AK5: variants seen among roughly 807,000 people sequenced by gnomAD.
AK5 encodes adenylate kinase isoenzyme 5.
In AK5, 27 loss-of-function variants were observed where a neutral mutation model predicts 69.5. That is an observed-to-expected ratio of 0.39 (90% CI 0.29 to 0.54). The LOEUF (loss-of-function observed/expected upper bound fraction) is 0.54. Ranked by LOEUF, AK5 falls within the 20% of genes least tolerant of loss-of-function variation. The pLI, the probability that AK5 is intolerant of heterozygous loss-of-function variation, is 0.71. For synonymous variants in AK5, 260 were observed against 244.4 expected, an observed-to-expected ratio of 1.06 and a Z score of -0.60; for missense variants, 531 against 700.4, an observed-to-expected ratio of 0.76 and a Z score of 2.73.
chr1:77,434,551 A>G (rs1425266391), intron 8 of AK5, among the ~76,000 whole-genome samples: 1 of 152,174 alleles, frequency 6.6e-6, no homozygotes, highest in Middle Eastern at 3.2e-3. Context: ...AGATTACAGA[A>G]AGACTTCAAA....
At chr1:77,495,769 G>C (rs1007543175) in intron 10 of AK5, among the ~76,000 whole-genome samples, 1 of 152,108 alleles carries the variant, frequency 6.6e-6, no homozygotes, top group African/African-American at 2.4e-5. Context: ...AAGCTCCCCT[G>C]TATACTGATC....
chr1:77,333,951 G>A (rs2602928), intron 5 of AK5, among the ~76,000 whole-genome samples: 149,392 of 152,348 alleles, frequency 0.98, 73,319 homozygotes, highest in East Asian at 1. Flanking sequence ...TTTATGTACT[G>A]TCTTTATTTG....
intron 6 of AK5, among the ~76,000 whole-genome samples, chr1:77,348,615 T>G (rs1662033755): frequency 6.6e-6 from 1 of 152,204 alleles, no homozygotes; most frequent in South Asian, 2.1e-4. Context: ...CAATAGCTTG[T>G]CTTTTTAATT....
At chr1:77,405,855 A>T (rs186350674) in intron 6 of AK5, among the ~76,000 whole-genome samples, 4 of 152,240 alleles carry the variant, frequency 2.6e-5, no homozygotes, top group Admixed American at 2.6e-4. Context: ...TTATTAATGA[A>T]GCTGGGGTGC....
Position 77,429,839 on chromosome 1 carries a change from G to A in AK5, c.1059+12124G>A, listed in dbSNP as rs147260706. On this transcript the variant is annotated intron_variant, in intron 8 of 13. Transcript: ENST00000354567. Reference sequence around the variant, plus strand: ...TATGAGAACAGGAAAGAACTGGGGAGAAGAGAAAGGGATGTTCAAAAAGAG... The same window carrying A: ...TATGAGAACAGGAAAGAACTGGGGAAAAGAGAAAGGGATGTTCAAAAAGAG... Among the ~76,000 whole-genome samples, 5 of 152,272 alleles carry A rather than the reference G, an allele frequency of 3.3e-5. No individual in the cohort carries two copies. The East Asian group carries it at 9.7e-4, about 29-fold the overall frequency.
At chr1:77,294,112 A>C (rs780304766) in intron 3 of AK5, 152 bp downstream of exon 3, 2 of 653,964 alleles carry the variant, frequency 3.1e-6, no homozygotes, top group Non-Finnish European at 5.0e-6. Flanking sequence ...AAATATTCTT[A>C]GTATAAGTTT....
intron 1 of AK5, among the ~76,000 whole-genome samples, chr1:77,286,634 T>G (rs116187907): frequency 0.099 from 15,026 of 151,520 alleles, 898 homozygotes; most frequent in East Asian, 0.2. Flanking sequence ...ATCGCTTGAG[T>G]TAAGGAGTTC....
At position 77,287,068 on chromosome 1, in the gene AK5, A is replaced by G. The variant is rs775238130; in HGVS notation, c.188A>G (p.Glu63Gly). Residue 63 changes from glutamate to glycine, a missense_variant, in exon 2 of 14, where the codon GAA becomes GGA. Glu to Gly is a moderately conservative substitution (Grantham distance 98). Transcript: ENST00000354567. The stretch of plus-strand genomic sequence containing the variant: ...AAATGGGATACATTTGTAAGCCAGG[A>G]AAAGAAGACCTTACCTCCACTAAAT... The part of the protein sequence containing the change: ...KVKWDTFVSQ[E>G]KKTLPPLNGG... The G allele has an allele frequency of 1.5e-5, 24 of 1,609,524 alleles. No individual in the cohort carries two copies. Among genetic ancestry groups the G allele is most frequent in the Non-Finnish European group, 2.0e-5 (24 of 1,177,722 alleles).
chr1:77,302,177 G>A (rs548919236), intron 5 of AK5, among the ~76,000 whole-genome samples: 3 of 152,074 alleles, frequency 2.0e-5, no homozygotes, highest in South Asian at 4.2e-4. Context: ...GGGATTACAG[G>A]TGTGAGCCAC....
intron 5 of AK5, among the ~76,000 whole-genome samples, chr1:77,324,318 CGTGT>C (rs10547281): frequency 0.1 from 15,020 of 148,642 alleles, 843 homozygotes; most frequent in African/African-American, 0.14. Flanking sequence ...TCACCATTTG[CGTGT>C]GTGTGTGTGT....
At chr1:77,544,710 T>C (rs991321838) in intron 13 of AK5, among the ~76,000 whole-genome samples, 15 of 152,154 alleles carry the variant, frequency 9.9e-5, no homozygotes, top group African/African-American at 3.4e-4. Flanking sequence ...TCGTCTGCTT[T>C]GATAACAAGG....
intron 6 of AK5, among the ~76,000 whole-genome samples, chr1:77,360,301 T>C (rs1646840264): frequency 6.6e-6 from 1 of 152,184 alleles, no homozygotes; most frequent in Non-Finnish European, 1.5e-5. Context: ...ATATCATAGA[T>C]GCTAAATTTA....
chr1:77,369,055 C>G lies in AK5; in HGVS notation c.891+28487C>G, dbSNP rs1291778798. ...TCTATTCACCATAAATTATATGTAT[C>G]AAAACATCACTATGTATGCCATGAA... On this transcript the variant is annotated intron_variant, in intron 6 of 13. Transcript: ENST00000354567. Among the ~76,000 whole-genome samples the G allele has an allele frequency of 3.3e-5, 5 of 151,992 alleles. No individual in the cohort carries two copies. In the East Asian group the frequency reaches 7.7e-4, roughly 23 times the overall value.
chr1:77,535,020 C>G (rs995215870), intron 12 of AK5, among the ~76,000 whole-genome samples: 2 of 152,048 alleles, frequency 1.3e-5, no homozygotes, highest in Non-Finnish European at 2.9e-5. Flanking sequence ...CAGTTGGGGG[C>G]TGGTAGGGCA....
chr1:77,558,912 G>A lies in AK5; in HGVS notation c.*242G>A, dbSNP rs574548403. The A allele has an allele frequency of 1.5e-3, 710 of 469,672 alleles. 3 individuals carry two copies. The highest frequency in any genetic ancestry group is 2.1e-3 in the South Asian group (81 of 37,884). 29.1% of individuals were successfully genotyped at this position (469,672 alleles called of 1,614,324 possible). A position where few individuals can be genotyped will look rare whatever the true frequency, so the allele number is the denominator to read the frequency against. ...ACTTCAGACAACTGTCTGCACTCAC[G>A]GCACACACACTTTGTATCATGCAGG... On this transcript the variant is annotated 3_prime_UTR_variant, in exon 14 of 14. Transcript: ENST00000354567.
intron 10 of AK5, among the ~76,000 whole-genome samples, chr1:77,487,947 C>T (rs1347979808): frequency 1.3e-5 from 2 of 152,098 alleles, no homozygotes; most frequent in Non-Finnish European, 2.9e-5. Context: ...TAGGAAGGAA[C>T]CAAAGAGCTG....
At position 77,288,383 on chromosome 1, in the gene AK5, A is replaced by G. The variant is rs372033619; in HGVS notation, c.247+1256A>G. 2.4e-4 allele frequency among the ~76,000 whole-genome samples: 36 copies of G among 152,326 alleles called. 1 individual carries two copies. Among genetic ancestry groups the G allele is most frequent in the African/African-American group, 8.4e-4 (35 of 41,572 alleles). On this transcript the variant is annotated intron_variant, in intron 2 of 13. Transcript: ENST00000354567. ...TCATTATATTTTCAAAACTGAAACC[A>G]TTCTCAAAAATTGTACAACAAAAGG...
chr1:77,415,367 T>C (rs1376621961), intron 7 of AK5, among the ~76,000 whole-genome samples: 1 of 152,216 alleles, frequency 6.6e-6, no homozygotes, highest in African/African-American at 2.4e-5. Flanking sequence ...AGCAGCTATA[T>C]GTTTAAAAAG....
chr1:77,285,103 TA>T (rs1247775634), intron 1 of AK5, among the ~76,000 whole-genome samples: 1 of 152,088 alleles, frequency 6.6e-6, no homozygotes, highest in Non-Finnish European at 1.5e-5. Flanking sequence ...TCTAGTTGAG[TA>T]AACTAGAGCC....
Sources: gnomAD v4.1 joint callset for allele counts (sites outside exome capture counted in the v4.1 genomes callset) on GRCh38, gnomAD v4.1.1 for gene constraint, MANE v1.5 for transcripts, NCBI Gene and HGNC (gene_info 2026-07-23, HGNC 2026-07-21) for gene names.